CNTN5: variants seen among roughly 807,000 people sequenced by gnomAD.
CNTN5 encodes the protein contactin-5.
A neutral mutation model predicts 129.1 loss-of-function variants in CNTN5; 77 were observed. The ratio of observed to expected loss-of-function variants is 0.60; its 90% confidence interval spans 0.50 to 0.72. The LOEUF (loss-of-function observed/expected upper bound fraction) is 0.72. Among genes scored for constraint, CNTN5 ranks in the 30% least tolerant of loss-of-function variants. The pLI is 0.00. For missense variants in CNTN5, 1,478 were observed against 1,328.8 expected (o/e 1.11, Z -1.75); for synonymous variants, 509 against 465.6 (o/e 1.09, Z -1.20).
chr11:99,665,675 C>T (rs150154317), intron 3 of CNTN5, among the ~76,000 whole-genome samples: 52 of 151,470 alleles, frequency 3.4e-4, no homozygotes, highest in African/African-American at 1.2e-3. Flanking sequence ...TTAGTAGAGC[C>T]GGGGTTGCAC....
chr11:100,007,068 GACAGTATTAT>G, intron 9 of CNTN5, among the ~76,000 whole-genome samples: 1 of 152,206 alleles, frequency 6.6e-6, no homozygotes, highest in East Asian at 1.9e-4. Flanking sequence ...ATTGTCAATG[GACAGTATTAT>G]TTTGAAAGGA....
At chr11:99,129,950 GC>G (rs1858847441) in intron 1 of CNTN5, among the ~76,000 whole-genome samples, 2 of 152,156 alleles carry the variant, frequency 1.3e-5, no homozygotes, top group African/African-American at 4.8e-5. Flanking sequence ...CCATGCAAGA[GC>G]TTCTGAAGAA....
intron 17 of CNTN5, among the ~76,000 whole-genome samples, chr11:100,258,114 A>C (rs1429120615): frequency 6.6e-6 from 1 of 152,170 alleles, no homozygotes; most frequent in Non-Finnish European, 1.5e-5. Flanking sequence ...GAACTGAAAA[A>C]CACAGCACGA....
chr11:99,883,324 T>C (rs1781842595), intron 6 of CNTN5, among the ~76,000 whole-genome samples: 1 of 152,218 alleles, frequency 6.6e-6, no homozygotes, highest in Non-Finnish European at 1.5e-5. Context: ...CTAATTTACA[T>C]TTCCACCAAC....
intron 1 of CNTN5, among the ~76,000 whole-genome samples, chr11:99,170,516 T>G (rs1861099941): frequency 6.6e-6 from 1 of 152,196 alleles, no homozygotes; most frequent in Non-Finnish European, 1.5e-5. Context: ...TTGCTTCTAG[T>G]TCTGTTACGC....
At chr11:99,504,397 C>T (rs1022625385) in intron 2 of CNTN5, among the ~76,000 whole-genome samples, 29 of 151,706 alleles carry the variant, frequency 1.9e-4, no homozygotes, top group African/African-American at 5.6e-4. Context: ...AAAAATTAGC[C>T]GGGCATAGTG....
chr11:99,831,324 G>C (rs1034443658), intron 4 of CNTN5, among the ~76,000 whole-genome samples: 1 of 152,154 alleles, frequency 6.6e-6, no homozygotes. Context: ...TTGTTGAGAT[G>C]CTTAACGAAG....
intron 1 of CNTN5, among the ~76,000 whole-genome samples, chr11:99,300,164 G>A (rs771670071): frequency 6.6e-6 from 1 of 152,054 alleles, no homozygotes; most frequent in Non-Finnish European, 1.5e-5. Context: ...TGTTGAATAG[G>A]AGTGGTGAAA....
intron 6 of CNTN5, among the ~76,000 whole-genome samples, chr11:99,915,814 A>G (rs1949774174): frequency 6.6e-6 from 1 of 152,162 alleles, no homozygotes; most frequent in African/African-American, 2.4e-5. Flanking sequence ...TATACTGGCA[A>G]CTTGAATGGA....
intron 15 of CNTN5, among the ~76,000 whole-genome samples, chr11:100,220,857 T>C (rs779769128): frequency 2.2e-4 from 34 of 152,184 alleles, no homozygotes; most frequent in Admixed American, 3.9e-4. Context: ...TTTTCCATAG[T>C]CTTTTTCTCT....
chr11:99,163,994 T>C (rs1364483531), intron 1 of CNTN5, among the ~76,000 whole-genome samples: 1 of 152,202 alleles, frequency 6.6e-6, no homozygotes, highest in Admixed American at 6.5e-5. Context: ...AGCTGACTTA[T>C]CTGATTAATA....
intron 2 of CNTN5, among the ~76,000 whole-genome samples, chr11:99,523,012 CA>C (rs1191940783): frequency 1.3e-5 from 2 of 152,156 alleles, no homozygotes; most frequent in African/African-American, 4.8e-5. Context: ...TGGCACTAAC[CA>C]AAACTTCTGT....
chr11:99,639,270 C>A (rs1330494583), intron 3 of CNTN5, among the ~76,000 whole-genome samples: 1 of 152,160 alleles, frequency 6.6e-6, no homozygotes, highest in African/African-American at 2.4e-5. Flanking sequence ...AACACAGAGA[C>A]CCTGGGCCTG....
At chr11:99,757,655 A>G (rs985509334) in intron 3 of CNTN5, among the ~76,000 whole-genome samples, 4 of 152,028 alleles carry the variant, frequency 2.6e-5, no homozygotes, top group Non-Finnish European at 2.9e-5. Flanking sequence ...AGGTTCCAGG[A>G]AGAACATGAA....
At chr11:99,198,948 A>C (rs535747881) in intron 1 of CNTN5, among the ~76,000 whole-genome samples, 192 of 152,282 alleles carry the variant, frequency 1.3e-3, no homozygotes, top group African/African-American at 4.5e-3. Context: ...ATTTGTGCGT[A>C]ATAAATGTTT....
chr11:99,320,282 A>G (rs761379695), intron 1 of CNTN5, among the ~76,000 whole-genome samples: 4 of 152,168 alleles, frequency 2.6e-5, no homozygotes, highest in Non-Finnish European at 5.9e-5. Flanking sequence ...TATATGGTTT[A>G]TACAGCTAGG....
At chr11:99,807,989 C>T (rs1246330551) in intron 3 of CNTN5, among the ~76,000 whole-genome samples, 2 of 152,076 alleles carry the variant, frequency 1.3e-5, no homozygotes, top group African/African-American at 2.4e-5. Flanking sequence ...AAGAATTAGG[C>T]GTAGGGACCT....
chr11:99,900,864 T>C (rs1949338034), intron 6 of CNTN5, among the ~76,000 whole-genome samples: 1 of 152,202 alleles, frequency 6.6e-6, no homozygotes, highest in Non-Finnish European at 1.5e-5. Context: ...CTCCCTTTTT[T>C]TCATCACTCT....
At chr11:100,173,086 G>A (rs1222416118) in intron 13 of CNTN5, among the ~76,000 whole-genome samples, 1 of 152,024 alleles carries the variant, frequency 6.6e-6, no homozygotes, top group Non-Finnish European at 1.5e-5. Context: ...TAGGCACCCA[G>A]TATACTGAAG....
Sources: allele counts gnomAD v4.1 joint callset (sites outside exome capture counted in the v4.1 genomes callset), GRCh38; gene constraint gnomAD v4.1.1; transcripts MANE v1.5; gene names NCBI Gene and HGNC (gene_info 2026-07-23, HGNC 2026-07-21).